The following CSMD1 variants were observed in gnomAD, a reference collection of about 807,000 sequenced individuals.
CSMD1 encodes the protein CUB and sushi domain-containing protein 1.
CSMD1 carries 213 observed loss-of-function variants against 417.5 expected under a neutral mutation model. The observed-to-expected ratio is 0.51, with a 90% CI of 0.46 to 0.57. The LOEUF (loss-of-function observed/expected upper bound fraction) is 0.57. Ranked by LOEUF, CSMD1 falls within the 20% of genes least tolerant of loss-of-function variation. The probability of loss-of-function intolerance (pLI) is 0.00; values close to 1 mark genes in which losing one functional copy is unlikely to be tolerated. For missense variants in CSMD1, 6,923 were observed against 4,529.7 expected (o/e 1.53, Z -15.17); for synonymous variants, 2,862 against 1,736.8 (o/e 1.65, Z -16.11).
intron 17 of CSMD1, among the ~76,000 whole-genome samples, chr8:3,389,526 T>C (rs1310439162): frequency 6.6e-6 from 1 of 152,196 alleles, no homozygotes; most frequent in African/African-American, 2.4e-5. Flanking sequence ...GTTAACTAAA[T>C]AATTTCATTT....
chr8:4,934,753 C>G (rs750981584), intron 1 of CSMD1, among the ~76,000 whole-genome samples: 1 of 152,018 alleles, frequency 6.6e-6, no homozygotes, highest in African/African-American at 2.4e-5. Flanking sequence ...CTATATCTAT[C>G]TACCTACCTA....
intron 5 of CSMD1, among the ~76,000 whole-genome samples, chr8:3,829,082 G>C (rs1484772424): frequency 2.0e-5 from 3 of 151,484 alleles, no homozygotes; most frequent in Non-Finnish European, 4.4e-5. Flanking sequence ...TTGTTTACAT[G>C]AGCAAGTTCT....
At chr8:3,827,638 C>A (rs145999216) in intron 5 of CSMD1, among the ~76,000 whole-genome samples, 1 of 152,132 alleles carries the variant, frequency 6.6e-6, no homozygotes, top group East Asian at 1.9e-4. Flanking sequence ...CTATAAAAAC[C>A]TCTTCGAATA....
intron 26 of CSMD1, among the ~76,000 whole-genome samples, chr8:3,276,128 T>G (rs1407779405): frequency 2.0e-5 from 3 of 152,190 alleles, no homozygotes; most frequent in African/African-American, 4.8e-5. Context: ...CATTTCTGTT[T>G]GTTAGTTTTC....
chr8:4,967,368 C>A (rs774312335), intron 1 of CSMD1, among the ~76,000 whole-genome samples: 1 of 152,098 alleles, frequency 6.6e-6, no homozygotes, highest in African/African-American at 2.4e-5. Context: ...AAACAATAAT[C>A]ACTGCCATGA....
At chr8:4,518,044 G>C (rs752902979) in intron 2 of CSMD1, among the ~76,000 whole-genome samples, 2 of 152,138 alleles carry the variant, frequency 1.3e-5, no homozygotes, top group African/African-American at 4.8e-5. Context: ...ATACTGCACA[G>C]CTCACGGAAA....
intron 3 of CSMD1, among the ~76,000 whole-genome samples, chr8:4,400,114 C>T (rs777321312): frequency 2.6e-5 from 4 of 152,124 alleles, no homozygotes; most frequent in Non-Finnish European, 4.4e-5. Flanking sequence ...AGTGTATACT[C>T]TCTGCTCTAT....
chr8:3,738,238 AG>A (rs1292210734), intron 6 of CSMD1, among the ~76,000 whole-genome samples: 2 of 152,224 alleles, frequency 1.3e-5, no homozygotes, highest in South Asian at 4.1e-4. Flanking sequence ...CTACTTAAAA[AG>A]CAAGAGAGCC....
intron 5 of CSMD1, among the ~76,000 whole-genome samples, chr8:3,991,887 A>C (rs1316044077): frequency 6.6e-6 from 1 of 152,154 alleles, no homozygotes; most frequent in Non-Finnish European, 1.5e-5. Context: ...TAAAATGGGA[A>C]TAGTAGTATC....
intron 4 of CSMD1, among the ~76,000 whole-genome samples, chr8:4,005,645 C>T (rs1166334495): frequency 6.6e-6 from 1 of 152,194 alleles, no homozygotes; most frequent in Non-Finnish European, 1.5e-5. Flanking sequence ...TAGGGTGTCT[C>T]CCATGGATAC....
At chr8:4,487,161 GTTTC>G (rs1191137245) in intron 2 of CSMD1, among the ~76,000 whole-genome samples, 11 of 152,056 alleles carry the variant, frequency 7.2e-5, no homozygotes, top group South Asian at 4.1e-4. Flanking sequence ...TAATGATGAA[GTTTC>G]TTTCTTTTTT....
At chr8:4,237,676 C>T (rs909707872) in intron 3 of CSMD1, among the ~76,000 whole-genome samples, 2 of 152,194 alleles carry the variant, frequency 1.3e-5, no homozygotes, top group Non-Finnish European at 1.5e-5. Flanking sequence ...CCACCATGCC[C>T]AGCTAATTTT....
intron 12 of CSMD1, among the ~76,000 whole-genome samples, chr8:3,437,386 T>C (rs901622116): frequency 3.3e-5 from 5 of 152,156 alleles, no homozygotes; most frequent in African/African-American, 1.2e-4. Flanking sequence ...AAACCCTCTT[T>C]GGCAATTCAT....
chr8:4,212,695 G>A (rs1054691584), intron 3 of CSMD1, among the ~76,000 whole-genome samples: 14 of 146,076 alleles, frequency 9.6e-5, no homozygotes, highest in Non-Finnish European at 3.0e-5. Context: ...TTAGTTATAT[G>A]TAACCACATA....
At chr8:3,411,306 G>A (rs1006098329) in intron 12 of CSMD1, among the ~76,000 whole-genome samples, 13 of 152,086 alleles carry the variant, frequency 8.5e-5, no homozygotes, top group Non-Finnish European at 1.2e-4. Context: ...TATCTTGCAG[G>A]GGCCAAGAGC....
chr8:4,754,125 C>A (rs1416463882), intron 1 of CSMD1, among the ~76,000 whole-genome samples: 1 of 152,048 alleles, frequency 6.6e-6, no homozygotes, highest in African/African-American at 2.4e-5. Context: ...AACATTTATT[C>A]TTGGTGGTAG....
chr8:3,136,628 T>C (rs1818111361), intron 41 of CSMD1, among the ~76,000 whole-genome samples: 1 of 152,104 alleles, frequency 6.6e-6, no homozygotes, highest in African/African-American at 2.4e-5. Flanking sequence ...AGAACACCAC[T>C]GCCATTGATA....
intron 2 of CSMD1, among the ~76,000 whole-genome samples, chr8:4,444,150 T>A (rs998861248): frequency 1.3e-5 from 2 of 151,864 alleles, no homozygotes; most frequent in African/African-American, 4.8e-5. Context: ...GAGACCACTC[T>A]GGCCAACATG....
chr8:4,274,945 A>G (rs1796391309), intron 3 of CSMD1, among the ~76,000 whole-genome samples: 1 of 152,164 alleles, frequency 6.6e-6, no homozygotes, highest in Non-Finnish European at 1.5e-5. Context: ...TTTTCTTGAG[A>G]GCCATCAACA....
Sources: gnomAD v4.1 joint callset for allele counts (sites outside exome capture counted in the v4.1 genomes callset) on GRCh38, gnomAD v4.1.1 for gene constraint, MANE v1.5 for transcripts, NCBI Gene and HGNC (gene_info 2026-07-23, HGNC 2026-07-21) for gene names.